TOR1AIP1: variants seen among roughly 807,000 people sequenced by gnomAD.
TOR1AIP1 encodes the protein torsin-1A-interacting protein 1.
A neutral mutation model predicts 63.3 loss-of-function variants in TOR1AIP1; 54 were observed. The observed-to-expected ratio is 0.85, with a 90% CI of 0.69 to 1.07. The LOEUF (loss-of-function observed/expected upper bound fraction) is 1.07. Ranked by LOEUF, TOR1AIP1 falls within the 50% of genes least tolerant of loss-of-function variation. TOR1AIP1 has a pLI of 0.00. For missense variants in TOR1AIP1, 736 were observed against 715.0 expected, an observed-to-expected ratio of 1.03 and a Z score of -0.33; for synonymous variants, 294 against 273.5, an observed-to-expected ratio of 1.07 and a Z score of -0.74.
intron 2 of TOR1AIP1, among the ~76,000 whole-genome samples, chr1:179,886,540 C>T (rs575355540): frequency 6.6e-5 from 10 of 152,126 alleles, no homozygotes; most frequent in South Asian, 2.1e-4. Context: ...ACTTTGTACC[C>T]GGTAAAACAT....
intron 9 of TOR1AIP1, among the ~76,000 whole-genome samples, chr1:179,915,767 AAAG>A (rs1196794457): frequency 6.6e-6 from 1 of 152,208 alleles, no homozygotes; most frequent in Non-Finnish European, 1.5e-5. Context: ...CAGAAAAAAA[AAAG>A]AAAGTGTTAA....
chr1:179,892,215 T>G (rs1198851702), intron 3 of TOR1AIP1, among the ~76,000 whole-genome samples: 2 of 152,138 alleles, frequency 1.3e-5, no homozygotes, highest in Non-Finnish European at 2.9e-5. Flanking sequence ...CTCACGCCTA[T>G]AATCCCAGCA....
chr1:179,885,738 T>TTTTTTTC (rs1208941335), intron 2 of TOR1AIP1, among the ~76,000 whole-genome samples: 1 of 152,186 alleles, frequency 6.6e-6, no homozygotes, highest in East Asian at 1.9e-4. Flanking sequence ...CATGCTAATT[T>TTTTTTTC]TTTTTTCTTT....
Position 179,882,477 on chromosome 1 carries a change from G to C in TOR1AIP1, c.-26G>C. On this transcript the variant is annotated 5_prime_UTR_variant, in exon 1 of 10. Coordinates refer to ENST00000606911, the MANE Select transcript of TOR1AIP1 (RefSeq NM_015602.4). ...CTAGGGTCCATAAAGCCATCTTCGC[G>C]ATCGACTAAAGCTACGTCAACAACT... is the stretch of plus-strand genomic sequence containing the variant. 3 of 1,422,054 alleles carry C rather than the reference G, an allele frequency of 2.1e-6. No homozygotes were observed. The highest frequency in any genetic ancestry group is 2.8e-6 in the Non-Finnish European group (3 of 1,086,268). 88.1% of individuals were successfully genotyped at this position (1,422,054 alleles called of 1,614,324 possible). A position where few individuals can be genotyped will look rare whatever the true frequency, so the allele number is the denominator to read the frequency against.
chr1:179,904,549 A>G (rs1422718758), intron 6 of TOR1AIP1: 2 of 152,242 alleles, frequency 1.3e-5, no homozygotes, highest in African/African-American at 2.4e-5. Flanking sequence ...TAACAAAAAA[A>G]GATTGGAAAG....
intron 9 of TOR1AIP1, 27 bp from the exon 10 acceptor site, chr1:179,917,425 T>C: frequency 6.3e-7 from 1 of 1,574,834 alleles, no homozygotes; most frequent in Non-Finnish European, 8.6e-7. Context: ...GGTATTTATA[T>C]CTGTCATTTC....
At chr1:179,913,562 T>C (rs1356000218) in intron 8 of TOR1AIP1, 1 of 702,242 alleles carries the variant, frequency 1.4e-6, no homozygotes, top group Non-Finnish European at 2.6e-6. Flanking sequence ...CCACATTTTG[T>C]CCTTATTTTC....
intron 2 of TOR1AIP1, among the ~76,000 whole-genome samples, chr1:179,887,589 T>C (rs1451848991): frequency 6.6e-6 from 1 of 152,182 alleles, no homozygotes; most frequent in African/African-American, 2.4e-5. Flanking sequence ...AGCCGTTAGG[T>C]TGTTTAATCA....
At chr1:179,893,988 G>T (rs1648185217) in intron 3 of TOR1AIP1, among the ~76,000 whole-genome samples, 1 of 152,128 alleles carries the variant, frequency 6.6e-6, no homozygotes, top group Non-Finnish European at 1.5e-5. Flanking sequence ...ACAAGGCCGG[G>T]CACGGTGGCT....
At chr1:179,909,837 AC>A (rs539259787) in intron 8 of TOR1AIP1, among the ~76,000 whole-genome samples, 1 of 152,056 alleles carries the variant, frequency 6.6e-6, no homozygotes, top group Non-Finnish European at 1.5e-5. Context: ...ATCTCAGCTC[AC>A]TGCAGCCTCC....
chr1:179,918,331 A>C lies in TOR1AIP1; in HGVS notation c.*92A>C. The C allele has an allele frequency of 7.9e-7, 1 of 1,272,176 alleles. No individual in the cohort carries two copies. Among genetic ancestry groups the C allele is most frequent in the Non-Finnish European group, 1.1e-6 (1 of 941,350 alleles). The allele number at this position is 1,272,176 out of a possible 1,614,324, so 78.8% of individuals were successfully genotyped here. On this transcript the variant is annotated 3_prime_UTR_variant, in exon 10 of 10. Transcript: ENST00000606911. Reference sequence around the variant, plus strand: ...AGAATTCAGAGCTCTTTTTGAAAGAACTAGTTTCTTTTTAAAGAAGTTAAG... The same window carrying C: ...AGAATTCAGAGCTCTTTTTGAAAGACCTAGTTTCTTTTTAAAGAAGTTAAG...
chr1:179,883,471 G>C (rs755664957), intron 1 of TOR1AIP1: 79 of 374,884 alleles, frequency 2.1e-4, no homozygotes, highest in Middle Eastern at 1.9e-3. Flanking sequence ...GAAATTTTGT[G>C]AGTGGGCATT....
At chr1:179,887,521 T>C (rs965033077) in intron 2 of TOR1AIP1, among the ~76,000 whole-genome samples, 1 of 152,230 alleles carries the variant, frequency 6.6e-6, no homozygotes, top group South Asian at 2.1e-4. Context: ...AACAGGAATA[T>C]AGTTTGAAAT....
chr1:179,898,821 T>TA (rs1648362154), intron 3 of TOR1AIP1, among the ~76,000 whole-genome samples: 1 of 151,678 alleles, frequency 6.6e-6, no homozygotes, highest in Admixed American at 6.6e-5. Flanking sequence ...CTAAGAAACC[T>TA]AGAGCAAAAT....
intron 3 of TOR1AIP1, among the ~76,000 whole-genome samples, chr1:179,892,919 A>G (rs1558040519): frequency 1.3e-5 from 2 of 152,076 alleles, no homozygotes; most frequent in Non-Finnish European, 2.9e-5. Context: ...AGAGATTTTC[A>G]TTTTAAAGTA....
intron 1 of TOR1AIP1, among the ~76,000 whole-genome samples, chr1:179,884,229 A>C (rs1348080077): frequency 3.9e-5 from 6 of 152,204 alleles, no homozygotes; most frequent in Non-Finnish European, 8.8e-5. Flanking sequence ...AGTATTTTTC[A>C]GTACCTGGAA....
Position 179,917,966 on chromosome 1 carries a change from CA to C in TOR1AIP1, c.1482del (p.Lys494AsnfsTer13). 6.2e-7 allele frequency: 1 copy of C among 1,614,212 alleles called. No homozygotes were observed. Among genetic ancestry groups the C allele is most frequent in the Non-Finnish European group, 8.5e-7 (1 of 1,180,036 alleles). ...FPAGSTLIFY[K>X]YCDHENAAFK... ...CCGCAGGCTCTACTTTGATCTTCTACAAATATTGTGACCATGAAAACGCGGC... is the reference window on the plus strand; with the variant it reads ...CCGCAGGCTCTACTTTGATCTTCTACAATATTGTGACCATGAAAACGCGGC... On this transcript the variant is annotated frameshift_variant, in exon 10 of 10. Transcript: ENST00000606911. LOFTEE classifies it high-confidence loss of function.
intron 3 of TOR1AIP1, among the ~76,000 whole-genome samples, chr1:179,896,469 A>G (rs1033742435): frequency 5.2e-5 from 3 of 58,096 alleles, no homozygotes; most frequent in African/African-American, 1.2e-4. Context: ...GATCATAAAT[A>G]GCCATTCAGG....
intron 6 of TOR1AIP1, among the ~76,000 whole-genome samples, chr1:179,904,226 T>A (rs1648553817): frequency 2.6e-5 from 4 of 152,216 alleles, no homozygotes; most frequent in Non-Finnish European, 4.4e-5. Context: ...AATTTGAACT[T>A]AAAAAACAAA....
Sources: gnomAD v4.1 joint callset for allele counts (sites outside exome capture counted in the v4.1 genomes callset) on GRCh38, gnomAD v4.1.1 for gene constraint, MANE v1.5 for transcripts, NCBI Gene and HGNC (gene_info 2026-07-23, HGNC 2026-07-21) for gene names.